MTRF1: variants seen among roughly 807,000 people sequenced by gnomAD.
The protein encoded by MTRF1 is peptide chain release factor 1, mitochondrial.
MTRF1 carries 51 observed loss-of-function variants against 62.9 expected under a neutral mutation model. The observed-to-expected ratio is 0.81, with a 90% CI of 0.65 to 1.02. The LOEUF (loss-of-function observed/expected upper bound fraction) is 1.02, where lower values mean the gene tolerates loss of function less well. MTRF1 is among the 50% of genes least tolerant of loss of function. The pLI is 0.00. For missense variants in MTRF1, 446 were observed against 530.0 expected (o/e 0.84, Z 1.56); for synonymous variants, 158 against 181.9 (o/e 0.87, Z 1.06).
chr13:41,267,884 A>G (rs1261345568), upstream of MTRF1, among the ~76,000 whole-genome samples: 1 of 152,052 alleles, frequency 6.6e-6, no homozygotes, highest in African/African-American at 2.4e-5. Context: ...ATGGCGATCA[A>G]ATTAAAAAGC....
In MTRF1 at chr13:41,220,642, G is replaced by C. The variant is rs146083267; in HGVS notation, c.1224+2614C>G. 8.8e-4 allele frequency: 1,106 copies of C among 1,262,422 alleles called. 11 individuals carry two copies. In the African/African-American group the frequency reaches 0.016, roughly 18 times the overall value. The allele number at this position is 1,262,422 out of a possible 1,614,324, so 78.2% of individuals were successfully genotyped here. On this transcript the variant is annotated intron_variant, in intron 9 of 9. Coordinates refer to ENST00000379480, the MANE Select transcript of MTRF1 (RefSeq NM_004294.4). Reference sequence around the variant, plus strand: ...ACTACCACCCGTGGAATGAGACTGAGCCTTGGGAATAAATAAATGTAGGGA... The same window carrying C: ...ACTACCACCCGTGGAATGAGACTGACCCTTGGGAATAAATAAATGTAGGGA...
chr13:41,311,236 G>A, the MTRF1 span: 1 of 512,286 alleles, frequency 2.0e-6, no homozygotes, highest in Non-Finnish European at 3.4e-6. Context: ...CACAGGATCC[G>A]GCTCGGGAGG....
At chr13:41,238,355 G>A (rs1446672295) in intron 6 of MTRF1, among the ~76,000 whole-genome samples, 1 of 152,136 alleles carries the variant, frequency 6.6e-6, no homozygotes, top group East Asian at 1.9e-4. Context: ...AGGTAAAGAA[G>A]AATAGTAACT....
chr13:41,303,882 T>C, the MTRF1 span, among the ~76,000 whole-genome samples: 1 of 152,324 alleles, frequency 6.6e-6, no homozygotes, highest in East Asian at 1.9e-4. Context: ...ATCACAAACC[T>C]TTGTAGTAGA....
At chr13:41,268,904 A>T in the MTRF1 span, among the ~76,000 whole-genome samples, 2 of 152,066 alleles carry the variant, frequency 1.3e-5, no homozygotes, top group Admixed American at 1.3e-4. Flanking sequence ...CATTAATTTT[A>T]GATAACTTGA....
the MTRF1 span, chr13:41,311,494 T>G: frequency 1.9e-6 from 3 of 1,572,588 alleles, no homozygotes; most frequent in Non-Finnish European, 2.6e-6. Context: ...GCACCTAGCC[T>G]CCCTGCCGGC....
Position 41,223,341 on chromosome 13 carries a change from G to A in MTRF1, c.1139C>T (p.Ala380Val). The change falls in exon 9 of 10, where the codon GCC (alanine) becomes GTC (valine). Residue 380 changes from alanine (A) to valine (V), a missense_variant. Coordinates refer to ENST00000379480, the MANE Select transcript of MTRF1 (RefSeq NM_004294.4). ...ATATGTCCGAATTCGCTCTGACTGG[G>A]CTCTTGTTCCCACCTGTGCCATAAC... ...SARKLQVGTR[A>V]QSERIRTYNF... 4 of 1,613,690 alleles carry A rather than the reference G, an allele frequency of 2.5e-6. No homozygotes were observed. The highest frequency in any genetic ancestry group is 3.4e-6 in the Non-Finnish European group (4 of 1,179,834).
the MTRF1 span, among the ~76,000 whole-genome samples, chr13:41,295,593 T>G: frequency 1.3e-5 from 2 of 152,198 alleles, no homozygotes; most frequent in Non-Finnish European, 2.9e-5. Flanking sequence ...TTTATCGAGA[T>G]AATCCTTGTG....
At chr13:41,246,812 T>C (rs895751248) in intron 5 of MTRF1, among the ~76,000 whole-genome samples, 10 of 152,232 alleles carry the variant, frequency 6.6e-5, no homozygotes, top group East Asian at 3.8e-4. Context: ...GTGCAAATAC[T>C]TGAATATTAT....
chr13:41,278,505 C>T, the MTRF1 span, among the ~76,000 whole-genome samples: 3 of 152,198 alleles, frequency 2.0e-5, no homozygotes, highest in Non-Finnish European at 4.4e-5. Context: ...ACGGCCTATG[C>T]TCTATGCAGA....
At chr13:41,307,650 A>T in the MTRF1 span, among the ~76,000 whole-genome samples, 51 of 149,476 alleles carry the variant, frequency 3.4e-4, no homozygotes, top group African/African-American at 1.2e-3. Context: ...CTCCTCTTTC[A>T]CTCTATTCCT....
At chr13:41,302,982 T>C in the MTRF1 span, among the ~76,000 whole-genome samples, 1 of 152,134 alleles carries the variant, frequency 6.6e-6, no homozygotes, top group South Asian at 2.1e-4. Context: ...GTGGAACCTG[T>C]AATTCCAGCT....
At chr13:41,217,898 C>T (rs1030315441) in intron 9 of MTRF1, among the ~76,000 whole-genome samples, 2 of 151,910 alleles carry the variant, frequency 1.3e-5, no homozygotes, top group African/African-American at 2.4e-5. Flanking sequence ...ATTTTTAAAC[C>T]GAAAACATGA....
chr13:41,307,354 T>C, the MTRF1 span, among the ~76,000 whole-genome samples: 1 of 152,078 alleles, frequency 6.6e-6, no homozygotes, highest in East Asian at 1.9e-4. Context: ...CGCTGGGCAT[T>C]GTGGCTCATG....
At chr13:41,263,819 A>C (rs536189054), upstream of MTRF1, among the ~76,000 whole-genome samples, 5 of 99,388 alleles carry the variant, frequency 5.0e-5, no homozygotes, top group South Asian at 1.7e-3. Context: ...GGAGGGAGGG[A>C]GGGAGGGGCC....
chr13:41,217,592 G>A (rs1325347520), intron 9 of MTRF1, among the ~76,000 whole-genome samples: 1 of 152,000 alleles, frequency 6.6e-6, no homozygotes, highest in African/African-American at 2.4e-5. Flanking sequence ...TAGGAGAACG[G>A]GTTTGCTGGA....
At chr13:41,288,124 G>C in the MTRF1 span, 1 of 505,014 alleles carries the variant, frequency 2.0e-6, no homozygotes, top group South Asian at 1.5e-5. Context: ...GGCATAATCT[G>C]TCATAATCTT....
chr13:41,264,104 A>T (rs372190090), upstream of MTRF1, among the ~76,000 whole-genome samples: 5 of 151,968 alleles, frequency 3.3e-5, no homozygotes, highest in African/African-American at 1.2e-4. Context: ...AAAAATAAAG[A>T]CTCCTTTTAC....
chr13:41,256,609 C>T lies in MTRF1; in HGVS notation c.416-1989G>A, dbSNP rs146555948. Among the ~76,000 whole-genome samples the T allele has an allele frequency of 1.2e-3, 185 of 152,140 alleles. 1 individual carries two copies. The highest frequency in any genetic ancestry group is 4.2e-3 in the African/African-American group (175 of 41,518). On this transcript the variant is annotated intron_variant, in intron 2 of 9. Coordinates refer to ENST00000379480, the MANE Select transcript of MTRF1 (RefSeq NM_004294.4). ...AAAGTACTGGGATTACAGGCATGAG[C>T]CACCGCACCCGGCCTGTTGTAGAAT...
Sources: gnomAD v4.1 joint callset for allele counts (sites outside exome capture counted in the v4.1 genomes callset) on GRCh38, gnomAD v4.1.1 for gene constraint, MANE v1.5 for transcripts, NCBI Gene and HGNC (gene_info 2026-07-23, HGNC 2026-07-21) for gene names.